ABTB3: variants seen among roughly 807,000 people sequenced by gnomAD.
ABTB3 encodes the protein ankyrin repeat- and BTB/POZ domain-containing protein 3.
At chr12:107,602,459 C>A in the ABTB3 span, among the ~76,000 whole-genome samples, 1 of 152,244 alleles carries the variant, frequency 6.6e-6, no homozygotes, top group Non-Finnish European at 1.5e-5. Context: ...AGATCTCTGA[C>A]ACTTAATGAG....
chr12:107,319,610 C>A, the ABTB3 span: 1 of 1,536,868 alleles, frequency 6.5e-7, no homozygotes, highest in African/African-American at 1.4e-5. Flanking sequence ...GGTGGACAGC[C>A]GCGTGGCGCT....
chr12:107,454,283 G>A, the ABTB3 span, among the ~76,000 whole-genome samples: 8 of 152,350 alleles, frequency 5.3e-5, no homozygotes, highest in East Asian at 9.7e-4. Context: ...GGCCCAGTGC[G>A]AAATGAGAAG....
At chr12:107,441,633 TAA>T in the ABTB3 span, among the ~76,000 whole-genome samples, 2 of 147,994 alleles carry the variant, frequency 1.4e-5, no homozygotes, top group Non-Finnish European at 3.0e-5. Flanking sequence ...AATTAAAACT[TAA>T]AAAAAAAAGT....
the ABTB3 span, chr12:107,657,635 G>T: frequency 6.2e-7 from 1 of 1,614,060 alleles, no homozygotes; most frequent in African/African-American, 1.3e-5. Context: ...GACCGGCCAG[G>T]ATGTGCTCCA....
the ABTB3 span, among the ~76,000 whole-genome samples, chr12:107,641,458 C>T: frequency 6.6e-6 from 1 of 152,164 alleles, no homozygotes; most frequent in African/African-American, 2.4e-5. Flanking sequence ...AAAACAGACA[C>T]ATATCAGCTT....
At chr12:107,550,332 C>T in the ABTB3 span, among the ~76,000 whole-genome samples, 1 of 152,016 alleles carries the variant, frequency 6.6e-6, no homozygotes, top group Non-Finnish European at 1.5e-5. Flanking sequence ...CTGAGTGTCT[C>T]TCTCACCACC....
chr12:107,422,092 C>G, the ABTB3 span, among the ~76,000 whole-genome samples: 1 of 152,002 alleles, frequency 6.6e-6, no homozygotes, highest in African/African-American at 2.4e-5. Context: ...GTTTGGGGAG[C>G]TACTTTCAAT....
chr12:107,476,099 C>T, the ABTB3 span, among the ~76,000 whole-genome samples: 2 of 152,198 alleles, frequency 1.3e-5, no homozygotes, highest in Non-Finnish European at 2.9e-5. Context: ...CTTGAAACCA[C>T]CACTTCCTTT....
At chr12:107,591,188 A>G in the ABTB3 span, among the ~76,000 whole-genome samples, 7 of 152,356 alleles carry the variant, frequency 4.6e-5, no homozygotes, top group South Asian at 1.4e-3. Flanking sequence ...TGATCTCCAA[A>G]GTCCTTTCTA....
At chr12:107,483,000 C>CCTT in the ABTB3 span, among the ~76,000 whole-genome samples, 2 of 115,000 alleles carry the variant, frequency 1.7e-5, no homozygotes, top group African/African-American at 8.5e-5. Context: ...TTCCTTCCTT[C>CCTT]CTTCCTTCTT....
the ABTB3 span, among the ~76,000 whole-genome samples, chr12:107,535,822 C>T: frequency 6.6e-6 from 1 of 151,928 alleles, no homozygotes. Context: ...GGAAAATTAC[C>T]ATCCTACCCA....
the ABTB3 span, among the ~76,000 whole-genome samples, chr12:107,473,250 G>C: frequency 6.6e-6 from 1 of 152,096 alleles, no homozygotes. Context: ...TGTGAACCAG[G>C]CCTCGGATTA....
chr12:107,423,162 C>T, the ABTB3 span, among the ~76,000 whole-genome samples: 1 of 152,072 alleles, frequency 6.6e-6, no homozygotes, highest in South Asian at 2.1e-4. Flanking sequence ...GGGAGAAAAA[C>T]GAATACTATG....
At chr12:107,459,263 G>A in the ABTB3 span, among the ~76,000 whole-genome samples, 25 of 152,324 alleles carry the variant, frequency 1.6e-4, no homozygotes, top group African/African-American at 5.8e-4. Flanking sequence ...ATCCATCCCA[G>A]AAAATCTGAA....
the ABTB3 span, among the ~76,000 whole-genome samples, chr12:107,604,280 C>T: frequency 4.4e-3 from 670 of 152,164 alleles, 8 homozygotes; most frequent in African/African-American, 0.016. Context: ...AACTCTGTCC[C>T]TACTAAAAAT....
At chr12:107,493,316 G>A in the ABTB3 span, among the ~76,000 whole-genome samples, 3 of 152,186 alleles carry the variant, frequency 2.0e-5, no homozygotes, top group African/African-American at 7.2e-5. Flanking sequence ...CAGCCTTGAT[G>A]TGCAATGTGG....
chr12:107,563,009 G>A, the ABTB3 span, among the ~76,000 whole-genome samples: 2 of 152,152 alleles, frequency 1.3e-5, no homozygotes, highest in South Asian at 4.1e-4. Context: ...TTTCATTTCT[G>A]TCTTTCCCAG....
At chr12:107,462,404 G>C in the ABTB3 span, among the ~76,000 whole-genome samples, 1 of 152,348 alleles carries the variant, frequency 6.6e-6, no homozygotes, top group South Asian at 2.1e-4. Flanking sequence ...TCAGTAAGTA[G>C]ATTTGTGGAA....
the ABTB3 span, chr12:107,616,987 A>G: frequency 8.5e-7 from 1 of 1,171,510 alleles, no homozygotes; most frequent in Non-Finnish European, 1.3e-6. Context: ...ACCTAGAGGG[A>G]GGGAAGGAGT....
Sources: allele counts gnomAD v4.1 joint callset (sites outside exome capture counted in the v4.1 genomes callset), GRCh38; gene constraint gnomAD v4.1.1; transcripts MANE v1.5; gene names NCBI Gene and HGNC (gene_info 2026-07-23, HGNC 2026-07-21).